The following TMEM232 variants were observed in gnomAD, a reference collection of about 807,000 sequenced individuals.
TMEM232 encodes transmembrane protein 232.
TMEM232 carries 80 observed loss-of-function variants against 78.8 expected under a neutral mutation model. The ratio of observed to expected loss-of-function variants is 1.01; its 90% CI spans 0.85 to 1.22. TMEM232 has a LOEUF of 1.22. Among genes scored for constraint, TMEM232 ranks in the 50% most tolerant of loss-of-function variants. The probability of loss-of-function intolerance (pLI) is 0.00; values close to 1 mark genes in which losing one functional copy is unlikely to be tolerated. For missense variants in TMEM232, 881 were observed against 742.2 expected (o/e 1.19, Z -2.17); for synonymous variants, 297 against 254.3 (o/e 1.17, Z -1.60).
Position 110,640,891 on chromosome 5 carries a change from C to T in TMEM232, c.343G>A (p.Glu115Lys). 1 of 1,517,752 alleles carries T rather than the reference C, an allele frequency of 6.6e-7. No individual in the cohort carries two copies. The highest frequency in any genetic ancestry group is 1.4e-5 in the African/African-American group (1 of 71,990). The allele number at this position is 1,517,752 out of a possible 1,614,324, so 94.0% of individuals were successfully genotyped here. A position where few individuals can be genotyped will look rare whatever the true frequency, so the allele number is the denominator to read the frequency against. Residue 115 changes from glutamate (E) to lysine (K), a missense_variant and splice_region_variant, in exon 4 of 14, where the codon GAA becomes AAA. Coordinates refer to ENST00000455884, the MANE Select transcript of TMEM232 (RefSeq NM_001039763.4). ...LAQCKGEIQDESLNMLYASLD... is the reference protein window; with the variant it reads ...LAQCKGEIQDKSLNMLYASLD... ...CCTAATAAGAATTTAAAGTACGTAC[C>T]ATCTTGGATTTCCCCTTTGCATTGA...
chr5:110,518,653 C>T (rs776545407), intron 12 of TMEM232, among the ~76,000 whole-genome samples: 1 of 152,082 alleles, frequency 6.6e-6, no homozygotes, highest in Non-Finnish European at 1.5e-5. Context: ...AAAACTCAAG[C>T]ATTTTTCTGT....
At chr5:110,474,666 C>A (rs1424196483) in intron 12 of TMEM232, among the ~76,000 whole-genome samples, 1 of 151,808 alleles carries the variant, frequency 6.6e-6, no homozygotes, top group Non-Finnish European at 1.5e-5. Context: ...TAAAGATACC[C>A]ACTTATAAAT....
At chr5:110,435,609 C>T (rs761899558) in intron 12 of TMEM232, among the ~76,000 whole-genome samples, 1 of 151,864 alleles carries the variant, frequency 6.6e-6, no homozygotes, top group Non-Finnish European at 1.5e-5. Context: ...GACTTCCCCT[C>T]TACCCTTCAC....
chr5:110,490,159 A>AAGAG (rs1208971650), intron 12 of TMEM232, among the ~76,000 whole-genome samples: 1 of 142,808 alleles, frequency 7.0e-6, no homozygotes, highest in African/African-American at 3.0e-5. Context: ...GAAAGAAAGA[A>AAGAG]AGAAAGAAAG....
intron 12 of TMEM232, among the ~76,000 whole-genome samples, chr5:110,447,105 A>G (rs1759737581): frequency 6.6e-6 from 1 of 151,090 alleles, no homozygotes; most frequent in Non-Finnish European, 1.5e-5. Flanking sequence ...ATATATACAC[A>G]TATATATGCA....
At chr5:110,496,885 A>G (rs1765704569) in intron 12 of TMEM232, among the ~76,000 whole-genome samples, 1 of 152,068 alleles carries the variant, frequency 6.6e-6, no homozygotes, top group Non-Finnish European at 1.5e-5. Context: ...AGAGGAAGAA[A>G]CAAAATAAAT....
chr5:110,522,673 G>A lies in TMEM232; in HGVS notation c.1703+5915C>T, dbSNP rs908557769. Among the ~76,000 whole-genome samples the A allele has an allele frequency of 1.3e-4, 20 of 152,114 alleles. 1 individual carries two copies. The highest frequency in any genetic ancestry group is 6.5e-4 in the Admixed American group (10 of 15,270). Reference sequence around the variant, plus strand: ...TTTCAGCACCTGTTGAGATTATTACGTAATTTTTATTTTTCATTCTGTAAA... The same window carrying A: ...TTTCAGCACCTGTTGAGATTATTACATAATTTTTATTTTTCATTCTGTAAA... On this transcript the variant is annotated intron_variant, in intron 12 of 13. Coordinates refer to ENST00000455884, the MANE Select transcript of TMEM232 (RefSeq NM_001039763.4).
chr5:110,531,472 C>T (rs974842895), intron 11 of TMEM232, among the ~76,000 whole-genome samples: 5 of 152,200 alleles, frequency 3.3e-5, no homozygotes, highest in Non-Finnish European at 7.3e-5. Flanking sequence ...AATTTCAAAT[C>T]CGGTAAGTGG....
chr5:110,684,804 C>G (rs1458135981), intron 1 of TMEM232: 1 of 152,044 alleles, frequency 6.6e-6, no homozygotes, highest in Non-Finnish European at 1.5e-5. Context: ...CTATGTCCCC[C>G]CTATTCACAA....
chr5:110,556,994 C>G lies in TMEM232; in HGVS notation c.1455+11453G>C, dbSNP rs561825882. On this transcript the variant is annotated intron_variant, in intron 11 of 13. Transcript: ENST00000455884. The stretch of plus-strand genomic sequence containing the variant: ...CCAAGTTGTTTGTTTGTCTCCCTCT[C>G]TTTCAGGGATGCCAATAAGTCATAG... Among the ~76,000 whole-genome samples, 20 of 152,264 alleles carry G rather than the reference C, an allele frequency of 1.3e-4. No individual in the cohort carries two copies. In the South Asian group the frequency reaches 2.9e-3, roughly 22 times the overall value.
intron 10 of TMEM232, among the ~76,000 whole-genome samples, chr5:110,603,307 A>T (rs1370174205): frequency 1.3e-5 from 2 of 152,162 alleles, no homozygotes; most frequent in African/African-American, 4.8e-5. Flanking sequence ...ATAATACATA[A>T]ATTTAAAAAT....
At chr5:110,613,809 A>T (rs1247228036) in intron 8 of TMEM232, among the ~76,000 whole-genome samples, 2 of 152,100 alleles carry the variant, frequency 1.3e-5, no homozygotes, top group Admixed American at 1.3e-4. Context: ...ATTACAGTGT[A>T]TATTGTTTAT....
intron 12 of TMEM232, among the ~76,000 whole-genome samples, chr5:110,512,121 G>A (rs1460992372): frequency 6.6e-6 from 1 of 152,030 alleles, no homozygotes; most frequent in Non-Finnish European, 1.5e-5. Context: ...TACATTTTTT[G>A]TGTAATTTTA....
chr5:110,720,434 C>G (rs1409975329), intron 1 of TMEM232: 1 of 152,020 alleles, frequency 6.6e-6, no homozygotes, highest in East Asian at 1.9e-4. Flanking sequence ...GGCAGACTGC[C>G]CCTACTAATA....
rs72771461 is a variant in TMEM232 at position 110,625,259 on chromosome 5, T to C, written c.768+8A>G. On this transcript the variant is annotated splice_region_variant and intron_variant, in intron 7 of 13. Coordinates refer to ENST00000455884, the MANE Select transcript of TMEM232 (RefSeq NM_001039763.4). ...AACAGGATATACCCACCATACCAGATTACTCACCATATCAGAATCTGTGTT... is the reference window on the plus strand; with the variant it reads ...AACAGGATATACCCACCATACCAGACTACTCACCATATCAGAATCTGTGTT... 137,353 of 1,517,162 alleles carry C rather than the reference T, an allele frequency of 0.091. 6,490 individuals are homozygous for C. The highest frequency in any genetic ancestry group is 0.13 in the Admixed American group (6,162 of 47,004). 94.0% of individuals were successfully genotyped at this position (1,517,162 alleles called of 1,614,324 possible). A position where few individuals can be genotyped will look rare whatever the true frequency, so the allele number is the denominator to read the frequency against.
chr5:110,686,634 A>G (rs1203201512), intron 1 of TMEM232, among the ~76,000 whole-genome samples: 3 of 152,166 alleles, frequency 2.0e-5, no homozygotes, highest in Non-Finnish European at 1.5e-5. Context: ...TTGTATGAAC[A>G]CTTGTACATT....
intron 1 of TMEM232, among the ~76,000 whole-genome samples, chr5:110,721,466 A>G (rs540264045): frequency 1.3e-5 from 2 of 151,380 alleles, no homozygotes; most frequent in Non-Finnish European, 2.9e-5. Context: ...CCCAGGGTCC[A>G]GGGTTGCTAA....
chr5:110,404,131 T>C (rs529804395), intron 2 of TMEM232, among the ~76,000 whole-genome samples: 7 of 152,198 alleles, frequency 4.6e-5, no homozygotes, highest in African/African-American at 1.7e-4. Flanking sequence ...AAATGAAATA[T>C]GGCCAATTTG....
At chr5:110,682,816 A>T (rs1475755291) in intron 1 of TMEM232, among the ~76,000 whole-genome samples, 1 of 152,140 alleles carries the variant, frequency 6.6e-6, no homozygotes, top group Non-Finnish European at 1.5e-5. Context: ...CCTCCATGGT[A>T]TCTGACCCTG....
Sources: allele counts gnomAD v4.1 joint callset (sites outside exome capture counted in the v4.1 genomes callset), GRCh38; gene constraint gnomAD v4.1.1; transcripts MANE v1.5; gene names NCBI Gene and HGNC (gene_info 2026-07-23, HGNC 2026-07-21).